The following SPNS3 variants were observed in gnomAD, a reference collection of about 807,000 sequenced individuals.
SPNS3 encodes the protein protein spinster homolog 3.
Under a neutral mutation model 54.4 loss-of-function variants are expected in SPNS3, and 51 were observed. The ratio of observed to expected loss-of-function variants is 0.94; its 90% CI spans 0.75 to 1.18. The LOEUF is 1.18. SPNS3 is among the 50% of genes most tolerant of loss of function. SPNS3 has a pLI of 0.00. For synonymous variants in SPNS3, 309 were observed against 294.7 expected (o/e 1.05, Z -0.50); for missense variants, 669 against 677.4 (o/e 0.99, Z 0.14).
chr17:4,469,326 A>G (rs1971792875), intron 8 of SPNS3, among the ~76,000 whole-genome samples: 1 of 151,848 alleles, frequency 6.6e-6, no homozygotes, highest in Non-Finnish European at 1.5e-5. Context: ...GGCTTGAGTG[A>G]TCCGCCTGCC....
Position 4,446,883 on chromosome 17 carries a change from C to T in SPNS3, c.555-13C>T. The T allele has an allele frequency of 1.9e-6, 3 of 1,613,628 alleles. No homozygotes were observed. The highest frequency in any genetic ancestry group is 2.5e-6 in the Non-Finnish European group (3 of 1,179,680). On this transcript the variant is annotated splice_polypyrimidine_tract_variant and intron_variant, in intron 4 of 11. Transcript: ENST00000355530. ...TCCCCTCACAGCCCATCGCCCCTGC[C>T]CCTTTGTTGCAGTGGTCTGGGCTAC...
At chr17:4,453,961 C>T (rs536779304) in intron 8 of SPNS3, among the ~76,000 whole-genome samples, 22 of 152,218 alleles carry the variant, frequency 1.4e-4, no homozygotes, top group Non-Finnish European at 2.5e-4. Context: ...CTGTGCCAGC[C>T]GTGTGGGCAC....
At chr17:4,477,312 C>T (rs1263561558) in intron 8 of SPNS3, among the ~76,000 whole-genome samples, 9 of 152,098 alleles carry the variant, frequency 5.9e-5, no homozygotes, top group Admixed American at 2.6e-4. Flanking sequence ...AGGGCTGGTG[C>T]GTGGCAGGTG....
intron 8 of SPNS3, among the ~76,000 whole-genome samples, chr17:4,473,393 CTTTTT>C (rs57102011): frequency 1.5e-5 from 2 of 129,666 alleles, no homozygotes; most frequent in Non-Finnish European, 3.3e-5. Context: ...TCTTCCCAGT[CTTTTT>C]TTTTTTTTTT....
intron 7 of SPNS3, among the ~76,000 whole-genome samples, chr17:4,450,499 G>A (rs899384136): frequency 2.0e-5 from 3 of 151,110 alleles, no homozygotes; most frequent in African/African-American, 2.4e-5. Flanking sequence ...CTGCAGCCTC[G>A]ACCTCCCAGG....
intron 8 of SPNS3, among the ~76,000 whole-genome samples, chr17:4,468,767 T>TTCTC (rs1555531915): frequency 7.7e-4 from 81 of 104,792 alleles, no homozygotes; most frequent in Middle Eastern, 4.3e-3. Context: ...CTTTCTCTCT[T>TTCTC]TCTTTTTCTT....
chr17:4,436,388 T>A (rs749369917), intron 1 of SPNS3, among the ~76,000 whole-genome samples: 1 of 151,910 alleles, frequency 6.6e-6, no homozygotes, highest in Non-Finnish European at 1.5e-5. Flanking sequence ...AGGTCAGGAG[T>A]TCGAGACCAG....
chr17:4,477,507 C>T (rs574020712), intron 8 of SPNS3, among the ~76,000 whole-genome samples: 92 of 152,194 alleles, frequency 6.0e-4, no homozygotes, highest in Non-Finnish European at 1.2e-3. Context: ...TCTCTTTCTT[C>T]TTGCTGCTTC....
chr17:4,487,764 T>TTC, intron 11 of SPNS3, 42 bp from the exon 12 acceptor site: 2 of 1,598,026 alleles, frequency 1.3e-6, no homozygotes, highest in South Asian at 2.2e-5. Context: ...CCAAAGCACC[T>TTC]TCTGCAACCT....
At chr17:4,464,832 A>G (rs1472813390) in intron 8 of SPNS3, among the ~76,000 whole-genome samples, 1 of 151,958 alleles carries the variant, frequency 6.6e-6, no homozygotes, top group East Asian at 1.9e-4. Context: ...GGCATCCACC[A>G]CTATGCCCGG....
At chr17:4,451,704 CT>C (rs1971170955) in intron 7 of SPNS3, among the ~76,000 whole-genome samples, 1 of 150,846 alleles carries the variant, frequency 6.6e-6, no homozygotes, top group Non-Finnish European at 1.5e-5. Context: ...GTCTTGCTCT[CT>C]TGCCCAGGCT....
intron 8 of SPNS3, among the ~76,000 whole-genome samples, chr17:4,458,987 G>C (rs894868387): frequency 6.6e-6 from 1 of 151,952 alleles, no homozygotes; most frequent in Non-Finnish European, 1.5e-5. Flanking sequence ...CTGCCACGCA[G>C]GTCCCCTCTT....
At chr17:4,439,865 C>G in intron 2 of SPNS3, 142 bp downstream of exon 2, 1 of 709,798 alleles carries the variant, frequency 1.4e-6, no homozygotes, top group Non-Finnish European at 2.4e-6. Context: ...GCCTGAGGGA[C>G]AGTCTAGGCA....
intron 8 of SPNS3, among the ~76,000 whole-genome samples, chr17:4,474,315 C>A (rs1971932503): frequency 6.6e-6 from 1 of 152,240 alleles, no homozygotes; most frequent in South Asian, 2.1e-4. Context: ...ACAAAGCGTG[C>A]CAGACGGTGC....
intron 8 of SPNS3, among the ~76,000 whole-genome samples, 161 bp from the exon 9 acceptor site, chr17:4,478,405 GCTGGAA>G (rs1337648211): frequency 6.6e-6 from 1 of 152,168 alleles, no homozygotes; most frequent in Admixed American, 6.6e-5. Context: ...CGTCAAGGCT[GCTGGAA>G]CTGGAAAAAT....
chr17:4,476,115 C>T (rs1231911874), intron 8 of SPNS3, among the ~76,000 whole-genome samples: 2 of 152,200 alleles, frequency 1.3e-5, no homozygotes, highest in African/African-American at 4.8e-5. Flanking sequence ...GGAGCCCCTC[C>T]TGGAGCTGAG....
rs776008711 is a variant in SPNS3 at position 4,486,241 on chromosome 17, C to G, written c.1193C>G (p.Pro398Arg). The change falls in exon 10 of 12, where the codon CCC (proline) becomes CGC (arginine). Residue 398 changes from proline (P) to arginine (R), a missense_variant. Physicochemically the swap from Pro to Arg is moderately radical, Grantham distance 103. Coordinates refer to ENST00000355530, the MANE Select transcript of SPNS3 (RefSeq NM_182538.5). This position sits in a 1 kb window ranked among gnomAD's most constrained non-coding sequence, Gnocchi z 5.5. The part of the protein sequence containing the change: ...VADILLSVVV[P>R]RCRGTAEALQ... ...TATGTTTTGCAGTCTGTGGTGGTGCCCAGATGCCGGGGGACGGCAGAGGCA... is the reference window on the plus strand; with the variant it reads ...TATGTTTTGCAGTCTGTGGTGGTGCGCAGATGCCGGGGGACGGCAGAGGCA... The G allele has an allele frequency of 6.4e-7, 1 of 1,564,000 alleles. No individual in the cohort carries two copies. Among genetic ancestry groups the G allele is most frequent in the Non-Finnish European group, 8.6e-7 (1 of 1,158,950 alleles).
chr17:4,449,331 C>A lies in SPNS3; in HGVS notation c.867C>A (p.Arg289=), dbSNP rs528148013. The part of the protein sequence containing the change: ...FWAPKFLLEA[R]VVHGLQPPCF... ...CCCCCAAGTTTCTGCTCGAGGCACG[C>A]GTGGTTCACGGGCTGCAGCCTCCCT... The change falls in exon 7 of 12, where the codon CGC becomes CGA. Residue 289 remains arginine (R), a synonymous_variant. Transcript: ENST00000355530. The A allele has an allele frequency of 6.2e-7, 1 of 1,611,232 alleles. No individual in the cohort carries two copies. The highest frequency in any genetic ancestry group is 1.1e-5 in the South Asian group (1 of 91,024).
At chr17:4,439,116 C>T (rs2143985957) in intron 1 of SPNS3, among the ~76,000 whole-genome samples, 1 of 150,878 alleles carries the variant, frequency 6.6e-6, no homozygotes, top group East Asian at 1.9e-4. Context: ...ATGCTTCTTT[C>T]TTTCTTTTTC....
Sources: allele counts gnomAD v4.1 joint callset (sites outside exome capture counted in the v4.1 genomes callset), GRCh38; gene constraint gnomAD v4.1.1; non-coding constraint Gnocchi (gnomAD v3.1); transcripts MANE v1.5; gene names NCBI Gene and HGNC (gene_info 2026-07-23, HGNC 2026-07-21).